Variants in NEDD4 observed in about 807,000 individuals in gnomAD.
The protein encoded by NEDD4 is E3 ubiquitin-protein ligase NEDD4.
In NEDD4, 99 loss-of-function variants were observed where a neutral mutation model predicts 144.9. That is an observed-to-expected ratio of 0.68 (90% CI 0.58 to 0.81). NEDD4 has a LOEUF of 0.81. Ranked by LOEUF, NEDD4 falls within the 30% of genes least tolerant of loss-of-function variation. The pLI is 0.00. For missense variants in NEDD4, 985 were observed against 1,065.9 expected, an observed-to-expected ratio of 0.92 and a Z score of 1.06; for synonymous variants, 318 against 350.6, an observed-to-expected ratio of 0.91 and a Z score of 1.04.
chr15:55,935,523 C>T (rs1162314093), intron 4 of NEDD4, among the ~76,000 whole-genome samples: 1 of 152,034 alleles, frequency 6.6e-6, no homozygotes, highest in Non-Finnish European at 1.5e-5. Context: ...CCAAAGTCTT[C>T]TGGAAAAAGG....
chr15:55,969,705 G>C (rs1305250326), intron 1 of NEDD4, among the ~76,000 whole-genome samples: 1 of 152,008 alleles, frequency 6.6e-6, no homozygotes, highest in Non-Finnish European at 1.5e-5. Flanking sequence ...AGTCCTGCCA[G>C]ATTTCACTAC....
chr15:55,907,790 G>A (rs2036147197), intron 5 of NEDD4, among the ~76,000 whole-genome samples: 1 of 152,192 alleles, frequency 6.6e-6, no homozygotes, highest in Admixed American at 6.5e-5. Context: ...AAGAAAGCTA[G>A]TCAAATGGCT....
chr15:55,882,658 A>G (rs1347372897), intron 5 of NEDD4, among the ~76,000 whole-genome samples: 1 of 152,166 alleles, frequency 6.6e-6, no homozygotes, highest in East Asian at 1.9e-4. Flanking sequence ...GAACCAGTGG[A>G]CTTGGGGGGC....
intron 5 of NEDD4, among the ~76,000 whole-genome samples, chr15:55,918,105 G>A (rs4774834): frequency 0.99 from 150,206 of 152,288 alleles, 74,101 homozygotes; most frequent in East Asian, 1. Flanking sequence ...TTATATAAAC[G>A]AAGTACATAC....
intron 12 of NEDD4, among the ~76,000 whole-genome samples, chr15:55,853,936 G>T (rs1489689634): frequency 6.6e-6 from 1 of 152,190 alleles, no homozygotes; most frequent in Non-Finnish European, 1.5e-5. Context: ...GTTACAGTGA[G>T]CTGAGATTGC....
chr15:55,966,524 ACT>A lies in NEDD4; in HGVS notation c.66_67del (p.Arg22SerfsTer18). The A allele has an allele frequency of 6.5e-7, 1 of 1,528,014 alleles. No individual in the cohort carries two copies. Among genetic ancestry groups the A allele is most frequent in the Non-Finnish European group, 8.8e-7 (1 of 1,137,438 alleles). The allele number at this position is 1,528,014 out of a possible 1,614,324, so 94.7% of individuals were successfully genotyped here. Reference sequence around the variant, plus strand: ...AAGGCCTATTCCGGCTATAACTCTTACTCTCACAATTCGTGAATTTTCCTAAA... The same window carrying A: ...AAGGCCTATTCCGGCTATAACTCTTACTCACAATTCGTGAATTTTCCTAAA... On this transcript the variant is annotated frameshift_variant, in exon 2 of 29. Transcript: ENST00000435532. LOFTEE classifies it high-confidence loss of function.
At chr15:55,912,868 T>C (rs571760944) in intron 5 of NEDD4, among the ~76,000 whole-genome samples, 6 of 152,308 alleles carry the variant, frequency 3.9e-5, no homozygotes, top group Non-Finnish European at 5.9e-5. Context: ...GTCACTGTTA[T>C]GTTGTTTGCT....
At chr15:55,883,509 G>A (rs1336491862) in intron 5 of NEDD4, among the ~76,000 whole-genome samples, 3 of 152,072 alleles carry the variant, frequency 2.0e-5, no homozygotes, top group Non-Finnish European at 4.4e-5. Context: ...TCTGCTGATT[G>A]TAGAGCCCTA....
chr15:55,910,508 C>T (rs2142190187), intron 5 of NEDD4, among the ~76,000 whole-genome samples: 1 of 152,204 alleles, frequency 6.6e-6, no homozygotes, highest in Non-Finnish European at 1.5e-5. Flanking sequence ...CCCTCTTCTA[C>T]CGCCTCACCA....
At chr15:55,964,424 C>G (rs2037475138) in intron 2 of NEDD4, among the ~76,000 whole-genome samples, 1 of 152,074 alleles carries the variant, frequency 6.6e-6, no homozygotes, top group Admixed American at 6.6e-5. Flanking sequence ...GCTGACAAAT[C>G]TACCCAACAA....
At chr15:55,866,734 T>C (rs1044003977) in intron 8 of NEDD4, among the ~76,000 whole-genome samples, 2 of 152,128 alleles carry the variant, frequency 1.3e-5, no homozygotes, top group Non-Finnish European at 2.9e-5. Flanking sequence ...AGAACAAAAA[T>C]TAATTTAATT....
chr15:55,893,051 A>G (rs1418477789), intron 5 of NEDD4, among the ~76,000 whole-genome samples: 1 of 152,148 alleles, frequency 6.6e-6, no homozygotes, highest in East Asian at 1.9e-4. Flanking sequence ...ATTACAGTAA[A>G]CTAACCTGAG....
intron 5 of NEDD4, among the ~76,000 whole-genome samples, chr15:55,874,882 G>A (rs1286952308): frequency 6.6e-6 from 1 of 152,118 alleles, no homozygotes; most frequent in Non-Finnish European, 1.5e-5. Flanking sequence ...GCTGAGGCAG[G>A]AGAGTGGCTT....
intron 1 of NEDD4, among the ~76,000 whole-genome samples, chr15:55,991,738 C>T (rs570829924): frequency 5.1e-4 from 78 of 152,208 alleles, no homozygotes; most frequent in Non-Finnish European, 9.0e-4. Context: ...TTCAGGAAAT[C>T]CACATTTCAA....
At chr15:55,944,146 G>C (rs199792098) in intron 4 of NEDD4, among the ~76,000 whole-genome samples, 1 of 152,210 alleles carries the variant, frequency 6.6e-6, no homozygotes, top group Admixed American at 6.5e-5. Flanking sequence ...TGGACAGTGG[G>C]TGCAGCCCAC....
At chr15:55,978,933 AAAAAAC>A (rs1169043833) in intron 1 of NEDD4, among the ~76,000 whole-genome samples, 1 of 151,482 alleles carries the variant, frequency 6.6e-6, no homozygotes, top group Non-Finnish European at 1.5e-5. Context: ...AAAAAAAAAA[AAAAAAC>A]AAGAACAGAA....
At chr15:55,850,022 A>G (rs561558833) in intron 14 of NEDD4, among the ~76,000 whole-genome samples, 2 of 151,698 alleles carry the variant, frequency 1.3e-5, no homozygotes, top group African/African-American at 2.4e-5. Flanking sequence ...CTCGATCTCC[A>G]TCTCCTGACC....
chr15:55,837,637 T>C lies in NEDD4; in HGVS notation c.2262+152A>G, dbSNP rs1197122714. ...TGTCTAGACTTCTTGAATGACTGAATGGAATATTTAGTTAATATAAAAATA... is the reference window on the plus strand; with the variant it reads ...TGTCTAGACTTCTTGAATGACTGAACGGAATATTTAGTTAATATAAAAATA... On this transcript the variant is annotated intron_variant, in intron 24 of 28. Transcript: ENST00000435532. 9.5e-6 allele frequency: 5 copies of C among 525,908 alleles called. No individual in the cohort carries two copies. The East Asian group carries it at 1.5e-4, about 16-fold the overall frequency. The allele number at this position is 525,908 out of a possible 1,614,324, so 32.6% of individuals were successfully genotyped here. A position where few individuals can be genotyped will look rare whatever the true frequency, so the allele number is the denominator to read the frequency against.
At chr15:55,949,358 G>A (rs1456281849) in intron 4 of NEDD4, among the ~76,000 whole-genome samples, 4 of 152,198 alleles carry the variant, frequency 2.6e-5, no homozygotes, top group Non-Finnish European at 5.9e-5. Flanking sequence ...TGGTGGGACT[G>A]TAAACTAGTT....
Sources: allele counts gnomAD v4.1 joint callset (sites outside exome capture counted in the v4.1 genomes callset), GRCh38; gene constraint gnomAD v4.1.1; transcripts MANE v1.5; gene names NCBI Gene and HGNC (gene_info 2026-07-23, HGNC 2026-07-21).